Variants in SAG observed in about 807,000 individuals in gnomAD.
SAG encodes the protein S-arrestin.
A neutral mutation model predicts 55.0 loss-of-function variants in SAG; 45 were observed. The ratio of observed to expected loss-of-function variants is 0.82; its 90% CI spans 0.64 to 1.05. The LOEUF is 1.05. Ranked by LOEUF, SAG falls within the 50% of genes least tolerant of loss-of-function variation. The probability of loss-of-function intolerance (pLI) is 0.00; values close to 1 mark genes in which losing one functional copy is unlikely to be tolerated. For missense variants in SAG, 455 were observed against 512.1 expected (o/e 0.89, Z 1.08); for synonymous variants, 189 against 197.4 (o/e 0.96, Z 0.36).
At chr2:233,336,276 A>G (rs1440509665) in intron 11 of SAG, among the ~76,000 whole-genome samples, 1 of 152,140 alleles carries the variant, frequency 6.6e-6, no homozygotes. Context: ...GTACTTTAGG[A>G]GGCTGAGGCG....
intron 2 of SAG, among the ~76,000 whole-genome samples, chr2:233,311,250 T>C (rs1413199775): frequency 3.3e-5 from 5 of 152,192 alleles, no homozygotes; most frequent in Non-Finnish European, 7.3e-5. Flanking sequence ...GACGCTGCCC[T>C]CTTCTTTGAC....
intron 14 of SAG, 131 bp from the exon 15 acceptor site, chr2:233,346,272 G>C: frequency 1.1e-6 from 1 of 925,976 alleles, no homozygotes; most frequent in Non-Finnish European, 1.8e-6. Context: ...CATGTATCTA[G>C]GCCTTATCTC....
rs890847714 is a variant in SAG, at chr2:233,331,538, C to A, written c.734-102C>A. The A allele has an allele frequency of 5.2e-6, 4 of 768,896 alleles. No homozygotes were observed. In the African/African-American group the frequency reaches 6.9e-5, roughly 13 times the overall value. The allele number at this position is 768,896 out of a possible 1,614,324, so 47.6% of individuals were successfully genotyped here. A position where few individuals can be genotyped will look rare whatever the true frequency, so the allele number is the denominator to read the frequency against. On this transcript the variant is annotated intron_variant, in intron 9 of 15. Coordinates refer to ENST00000409110, the MANE Select transcript of SAG (RefSeq NM_000541.5). ...AGCCTTGGAAGTGGAGGGAAACCAT[C>A]ATCAGAGAGGAGAGACCAGCGTGTA...
chr2:233,332,025 T>C (rs1490704133), intron 10 of SAG: 7 of 390,632 alleles, frequency 1.8e-5, no homozygotes, highest in African/African-American at 1.0e-4. Flanking sequence ...TGGAATGAAT[T>C]GTTAGGAATT....
At chr2:233,318,888 G>T in intron 4 of SAG, 93 bp downstream of exon 4, 1 of 1,051,604 alleles carries the variant, frequency 9.5e-7, no homozygotes, top group South Asian at 1.3e-5. Context: ...TGGAAGGAGA[G>T]ACAGGAAGGC....
Position 233,317,886 on chromosome 2 carries a change from AG to A in SAG, c.137-864del, listed in dbSNP as rs1477632508. Among the ~76,000 whole-genome samples the A allele has an allele frequency of 2.6e-5, 4 of 152,238 alleles. No homozygotes were observed. The East Asian group carries it at 7.7e-4, about 29-fold the overall frequency. Reference sequence around the variant, plus strand: ...TTGCAATGTATAATTGAGTGAGGAAAGCAGTTAGCTGAACAGTATGTACAAT... The same window carrying A: ...TTGCAATGTATAATTGAGTGAGGAAACAGTTAGCTGAACAGTATGTACAAT... On this transcript the variant is annotated intron_variant, in intron 3 of 15. Transcript: ENST00000409110.
At position 233,320,704 on chromosome 2, in the gene SAG, G is replaced by A; in HGVS notation, c.256G>A (p.Asp86Asn). 1.2e-6 allele frequency: 2 copies of A among 1,606,004 alleles called. No homozygotes were observed. The highest frequency in any genetic ancestry group is 1.7e-6 in the Non-Finnish European group (2 of 1,176,418). Residue 86 changes from aspartate to asparagine, a missense_variant, in exon 5 of 16, where the codon GAC (aspartate) becomes AAC (asparagine). Coordinates refer to ENST00000409110, the MANE Select transcript of SAG (RefSeq NM_000541.5). Reference protein sequence around the residue: ...IDVIGLTFRRDLYFSRVQVYP... With the variant: ...IDVIGLTFRRNLYFSRVQVYP... ...CGTGATCGGCTTGACCTTCCGCAGG[G>A]ACCTGTACTTCTCCCGGGTCCAGGT...
In SAG at chr2:233,334,979, A is replaced by T. The variant is rs915086028; in HGVS notation, c.824A>T (p.Asn275Ile). 6.2e-7 allele frequency: 1 copy of T among 1,613,982 alleles called. No homozygotes were observed. Among genetic ancestry groups the T allele is most frequent in the African/African-American group, 1.3e-5 (1 of 75,050 alleles). Reference protein sequence around the residue: ...MEEAQEKVPPNSTLTKTLTLL... With the variant: ...MEEAQEKVPPISTLTKTLTLL... The stretch of plus-strand genomic sequence containing the variant: ...TCCTCTAGAGAAAAAGTGCCACCAA[A>T]CAGCACTTTGACCAAGACGCTGACG... Residue 275 changes from asparagine to isoleucine, a missense_variant, in exon 11 of 16, where the codon AAC (asparagine) becomes ATC (isoleucine). Asn to Ile is a moderately radical substitution (Grantham distance 149). Transcript: ENST00000409110.
intron 6 of SAG, among the ~76,000 whole-genome samples, chr2:233,324,897 G>T (rs1700501352): frequency 6.6e-6 from 1 of 152,112 alleles, no homozygotes. Context: ...TCAATGTAGT[G>T]GATCCAAAAT....
chr2:233,325,106 A>G (rs1175887958), intron 6 of SAG, among the ~76,000 whole-genome samples: 2 of 151,862 alleles, frequency 1.3e-5, no homozygotes, highest in Non-Finnish European at 2.9e-5. Context: ...CGTGCCTGTA[A>G]TCCCAGCCAA....
intron 6 of SAG, 104 bp from the exon 7 acceptor site, chr2:233,327,017 G>C (rs919951900): frequency 1.9e-5 from 16 of 825,964 alleles, no homozygotes; most frequent in Non-Finnish European, 3.1e-5. Flanking sequence ...AAGACAAAAA[G>C]AGATAGTGCC....
chr2:233,342,251 T>C lies in SAG; in HGVS notation c.1047-20T>C, dbSNP rs1236586891. The C allele has an allele frequency of 2.5e-6, 4 of 1,586,942 alleles. No homozygotes were observed. In the Admixed American group the frequency reaches 7.1e-5, roughly 28 times the overall value. On this transcript the variant is annotated intron_variant, in intron 13 of 15. Transcript: ENST00000409110. ...TTGTGTGTATGGGTGTTCACACCAATCTTCATTCTTTTTTTCTAGTGAAGT... is the reference window on the plus strand; with the variant it reads ...TTGTGTGTATGGGTGTTCACACCAACCTTCATTCTTTTTTTCTAGTGAAGT...
At chr2:233,312,211 T>C (rs1160165578) in intron 2 of SAG, among the ~76,000 whole-genome samples, 1 of 152,180 alleles carries the variant, frequency 6.6e-6, no homozygotes, top group African/African-American at 2.4e-5. Flanking sequence ...TTCTAGTTCT[T>C]CTTCCCTTGC....
At chr2:233,321,280 T>G (rs61062196) in intron 5 of SAG, among the ~76,000 whole-genome samples, 19,204 of 152,200 alleles carry the variant, frequency 0.13, 1,411 homozygotes, top group African/African-American at 0.19. Flanking sequence ...CTGTCATCCA[T>G]TGAGACCTGG....
chr2:233,327,113 C>T lies in SAG; in HGVS notation c.436-8C>T, dbSNP rs1257561654. On this transcript the variant is annotated splice_region_variant and splice_polypyrimidine_tract_variant and intron_variant, in intron 6 of 15. Coordinates refer to ENST00000409110, the MANE Select transcript of SAG (RefSeq NM_000541.5). ...GATCGCTGCCTGTCTGCTCTCTCTC[C>T]CCAACAGTCCTGTGGGGTTGACTTT... 2 of 1,613,036 alleles carry T rather than the reference C, an allele frequency of 1.2e-6. No individual in the cohort carries two copies. Among genetic ancestry groups the T allele is most frequent in the East Asian group, 2.2e-5 (1 of 44,890 alleles).
At chr2:233,311,386 C>T (rs74587219) in intron 2 of SAG, among the ~76,000 whole-genome samples, 1,956 of 152,182 alleles carry the variant, frequency 0.013, 22 homozygotes, top group East Asian at 0.028. Flanking sequence ...GAAATCTTTC[C>T]CAAGACTCTT....
At chr2:233,314,277 C>T (rs1700159835) in intron 2 of SAG, among the ~76,000 whole-genome samples, 1 of 151,944 alleles carries the variant, frequency 6.6e-6, no homozygotes, top group Admixed American at 6.6e-5. Flanking sequence ...CAGTGACGAG[C>T]AGCTGGGTGC....
intron 2 of SAG, among the ~76,000 whole-genome samples, chr2:233,311,512 G>A (rs1700074422): frequency 1.3e-5 from 2 of 152,150 alleles, no homozygotes; most frequent in African/African-American, 2.4e-5. Context: ...CCCTGGAGCC[G>A]GCCTCCTCTG....
intron 14 of SAG, 111 bp from the exon 15 acceptor site, chr2:233,346,291 TA>T: frequency 8.5e-7 from 1 of 1,174,026 alleles, no homozygotes; most frequent in Non-Finnish European, 1.3e-6. Flanking sequence ...TCTCAAATTG[TA>T]AAGTCACCTA....
Sources: gnomAD v4.1 joint callset for allele counts (sites outside exome capture counted in the v4.1 genomes callset) on GRCh38, gnomAD v4.1.1 for gene constraint, MANE v1.5 for transcripts, NCBI Gene and HGNC (gene_info 2026-07-23, HGNC 2026-07-21) for gene names.